Variants in CCDC138 observed in about 807,000 individuals in gnomAD.
CCDC138 encodes coiled-coil domain containing 138.
In CCDC138, 66 loss-of-function variants were observed where a neutral mutation model predicts 82.3. That is an observed-to-expected ratio of 0.80 (90% confidence interval 0.66 to 0.98). CCDC138 has a LOEUF of 0.98. Among genes scored for constraint, CCDC138 ranks in the 50% least tolerant of loss-of-function variants. The pLI is 0.00. For synonymous variants in CCDC138, 297 were observed against 265.4 expected, an observed-to-expected ratio of 1.12 and a Z score of -1.16; for missense variants, 816 against 758.9, an observed-to-expected ratio of 1.08 and a Z score of -0.88.
chr2:108,792,704 AT>A (rs1680098935), intron 4 of CCDC138, among the ~76,000 whole-genome samples: 4 of 152,228 alleles, frequency 2.6e-5, no homozygotes, highest in Admixed American at 2.6e-4. Context: ...AAAATGGAGT[AT>A]AATGGAAGAC....
chr2:108,841,911 ACTTTTCT>A (rs1689550373), intron 11 of CCDC138, among the ~76,000 whole-genome samples: 1 of 151,968 alleles, frequency 6.6e-6, no homozygotes, highest in Non-Finnish European at 1.5e-5. Flanking sequence ...TCTTTGTATA[ACTTTTCT>A]AATAGTTCTT....
chr2:108,829,392 A>T (rs770251495), intron 10 of CCDC138, among the ~76,000 whole-genome samples: 6 of 152,206 alleles, frequency 3.9e-5, no homozygotes, highest in Non-Finnish European at 8.8e-5. Context: ...GATGCTTAAC[A>T]TCACTACTCT....
chr2:108,790,063 T>C (rs573702023), intron 3 of CCDC138, among the ~76,000 whole-genome samples: 1 of 152,310 alleles, frequency 6.6e-6, no homozygotes, highest in East Asian at 1.9e-4. Flanking sequence ...AATACAGTTT[T>C]CTCTTTCTCT....
intron 11 of CCDC138, among the ~76,000 whole-genome samples, chr2:108,840,630 T>G (rs1689296292): frequency 6.6e-6 from 1 of 152,170 alleles, no homozygotes; most frequent in South Asian, 2.1e-4. Flanking sequence ...TAGTATTCTC[T>G]TATCCTTTTG....
chr2:108,837,418 C>T (rs1364512281), intron 10 of CCDC138, among the ~76,000 whole-genome samples: 1 of 152,112 alleles, frequency 6.6e-6, no homozygotes, highest in East Asian at 1.9e-4. Flanking sequence ...TTTTAATATA[C>T]CGCCATGCAC....
chr2:108,787,086 G>C (rs926547533), intron 1 of CCDC138, among the ~76,000 whole-genome samples, 171 bp downstream of exon 1: 2 of 152,242 alleles, frequency 1.3e-5, no homozygotes, highest in Admixed American at 6.5e-5. Flanking sequence ...GGCGGGCGTT[G>C]CGCTGCGGGG....
chr2:108,884,126 C>G (rs1696368117), intron 2 of CCDC138: 1 of 152,650 alleles, frequency 6.6e-6, no homozygotes. Flanking sequence ...TGGTCTTGAA[C>G]TCCAGGGCTC....
intron 10 of CCDC138, among the ~76,000 whole-genome samples, chr2:108,831,332 G>A (rs1223861512): frequency 6.6e-6 from 1 of 152,152 alleles, no homozygotes; most frequent in Non-Finnish European, 1.5e-5. Context: ...CCCTACTACT[G>A]CCACCCTATG....
chr2:108,822,221 A>G (rs947918799), intron 10 of CCDC138, among the ~76,000 whole-genome samples: 2 of 152,208 alleles, frequency 1.3e-5, no homozygotes, highest in Non-Finnish European at 1.5e-5. Context: ...AAAGGACACT[A>G]TATAAATGAT....
chr2:108,881,743 G>A (rs1314490809), intron 1 of CCDC138, among the ~76,000 whole-genome samples: 1 of 152,182 alleles, frequency 6.6e-6, no homozygotes, highest in African/African-American at 2.4e-5. Context: ...GAGAGATGGG[G>A]GATCAGCCAG....
At chr2:108,800,352 C>T (rs1681690396) in intron 6 of CCDC138, among the ~76,000 whole-genome samples, 1 of 152,142 alleles carries the variant, frequency 6.6e-6, no homozygotes, top group Non-Finnish European at 1.5e-5. Context: ...ACAACCTCCA[C>T]TTCCTGGGTT....
chr2:108,864,629 C>G (rs1281680780), intron 13 of CCDC138, among the ~76,000 whole-genome samples: 1 of 151,938 alleles, frequency 6.6e-6, no homozygotes. Context: ...AACCCTGTCT[C>G]TACTAAAAAA....
At chr2:108,845,107 A>G (rs1381662335) in intron 11 of CCDC138, among the ~76,000 whole-genome samples, 1 of 152,074 alleles carries the variant, frequency 6.6e-6, no homozygotes, top group Non-Finnish European at 1.5e-5. Flanking sequence ...CATTAGAGAT[A>G]ATTTTAAAAA....
chr2:108,812,866 A>G lies in CCDC138; in HGVS notation c.980A>G (p.His327Arg), dbSNP rs369113040. ...ATACAGAGATTGAAAGGAAGTTCCC[A>G]TGCTGTTCATGAAATGAAAAGTTTA... ...MTIQRLKGSSHAVHEMKSLKQ... is the reference protein window; with the variant it reads ...MTIQRLKGSSRAVHEMKSLKQ... The change falls in exon 9 of 15, where the codon CAT becomes CGT. Residue 327 changes from histidine (H) to arginine (R), a missense_variant. Coordinates refer to ENST00000295124, the MANE Select transcript of CCDC138 (RefSeq NM_144978.3). 3.7e-6 allele frequency: 6 copies of G among 1,613,432 alleles called. No homozygotes were observed. The highest frequency in any genetic ancestry group is 5.1e-6 in the Non-Finnish European group (6 of 1,179,700).
intron 10 of CCDC138, among the ~76,000 whole-genome samples, chr2:108,827,586 G>A (rs1686832696): frequency 6.6e-6 from 1 of 151,062 alleles, no homozygotes; most frequent in African/African-American, 2.4e-5. Context: ...GGAGGCCAAG[G>A]TGGGCGGATC....
At chr2:108,860,895 C>T (rs746902304) in intron 13 of CCDC138, among the ~76,000 whole-genome samples, 9 of 128,744 alleles carry the variant, frequency 7.0e-5, no homozygotes, top group African/African-American at 2.6e-4. Context: ...CTTCTTTGTT[C>T]ATCTGGTAGA....
At chr2:108,875,062 G>C (rs1695819641) in intron 14 of CCDC138, among the ~76,000 whole-genome samples, 1 of 151,948 alleles carries the variant, frequency 6.6e-6, no homozygotes, top group African/African-American at 2.4e-5. Flanking sequence ...ACTGGGAATA[G>C]TTGATGCTCA....
At position 108,812,707 on chromosome 2, in the gene CCDC138, A is replaced by G; in HGVS notation, c.932A>G (p.Gln311Arg). 1 of 1,607,638 alleles carries G rather than the reference A, an allele frequency of 6.2e-7. No individual in the cohort carries two copies. Among genetic ancestry groups the G allele is most frequent in the Non-Finnish European group, 8.5e-7 (1 of 1,174,246 alleles). The change falls in exon 8 of 15, where the codon CAG becomes CGG. Residue 311 changes from glutamine to arginine, a missense_variant and splice_region_variant. Coordinates refer to ENST00000295124, the MANE Select transcript of CCDC138 (RefSeq NM_144978.3). ...GTTCAAGCTCGTTTAGATAATTTACAGGTAAGTTGCCTGTTCTTCTCTACA... is the reference window on the plus strand; with the variant it reads ...GTTCAAGCTCGTTTAGATAATTTACGGGTAAGTTGCCTGTTCTTCTCTACA... ...KRVQARLDNL[Q>R]RKYEFMTIQR...
At chr2:108,884,713 C>T (rs945769302) in intron 2 of CCDC138, 2 of 152,132 alleles carry the variant, frequency 1.3e-5, no homozygotes, top group Non-Finnish European at 2.9e-5. Flanking sequence ...TTGTGTCCTC[C>T]CGGATAGGAC....
Sources: allele counts gnomAD v4.1 joint callset (sites outside exome capture counted in the v4.1 genomes callset), GRCh38; gene constraint gnomAD v4.1.1; transcripts MANE v1.5; gene names NCBI Gene and HGNC (gene_info 2026-07-23, HGNC 2026-07-21).